Variants in HTATIP2 observed in about 807,000 individuals in gnomAD.
The protein encoded by HTATIP2 is protein HTATIP2.
In HTATIP2, 26 loss-of-function variants were observed where a neutral mutation model predicts 24.7. That is an observed-to-expected ratio of 1.05 (90% CI 0.77 to 1.46). HTATIP2 has a LOEUF of 1.46. Among genes scored for constraint, HTATIP2 ranks in the 40% most tolerant of loss-of-function variants. The pLI is 0.00. For missense variants in HTATIP2, 284 were observed against 289.6 expected (o/e 0.98, Z 0.14); for synonymous variants, 99 against 113.2 (o/e 0.87, Z 0.79).
intron 3 of HTATIP2, 79 bp from the exon 4 acceptor site, chr11:20,382,099 C>A: frequency 1.2e-6 from 1 of 867,902 alleles, no homozygotes; most frequent in Non-Finnish European, 1.9e-6. Context: ...TATCTCAAAA[C>A]CACAAATTAT....
chr11:20,375,190 C>T (rs1848425002), intron 2 of HTATIP2, among the ~76,000 whole-genome samples: 1 of 152,030 alleles, frequency 6.6e-6, no homozygotes, highest in South Asian at 2.1e-4. Context: ...CCTAAGGTAC[C>T]TTCTAACATT....
chr11:20,376,115 T>C (rs1460102470), intron 2 of HTATIP2: 1 of 169,468 alleles, frequency 5.9e-6, no homozygotes, highest in Non-Finnish European at 1.2e-5. Flanking sequence ...TTGTAGAGCA[T>C]ACACAAAAAT....
chr11:20,364,646 G>A (rs2064676356), intron 1 of HTATIP2, among the ~76,000 whole-genome samples: 1 of 152,128 alleles, frequency 6.6e-6, no homozygotes, highest in Admixed American at 6.5e-5. Context: ...TGTGGTCTTG[G>A]GCAAAGCCCT....
At chr11:20,368,990 A>G (rs2064742905) in intron 2 of HTATIP2, among the ~76,000 whole-genome samples, 1 of 152,198 alleles carries the variant, frequency 6.6e-6, no homozygotes, top group South Asian at 2.1e-4. Context: ...ATGAATTAGG[A>G]CTTAAATGAT....
At chr11:20,367,735 C>T (rs1160632566) in intron 2 of HTATIP2, 1 of 935,114 alleles carries the variant, frequency 1.1e-6, no homozygotes, top group Non-Finnish European at 1.3e-6. Flanking sequence ...CATCAGAACA[C>T]AGGCACGATT....
intron 2 of HTATIP2, chr11:20,367,779 G>A (rs913534572): frequency 1.0e-5 from 5 of 481,910 alleles, no homozygotes; most frequent in South Asian, 7.2e-5. Context: ...AGCCTTCAGC[G>A]ATGATTCAAC....
At chr11:20,367,416 G>A (rs1164295225) in intron 2 of HTATIP2, 135 bp downstream of exon 2, 1 of 1,555,796 alleles carries the variant, frequency 6.4e-7, no homozygotes, top group Non-Finnish European at 8.7e-7. Flanking sequence ...GATTCTATAT[G>A]CTGCACTAAC....
chr11:20,379,915 T>C (rs1013320761), intron 3 of HTATIP2, among the ~76,000 whole-genome samples: 1 of 152,154 alleles, frequency 6.6e-6, no homozygotes, highest in Non-Finnish European at 1.5e-5. Flanking sequence ...ACTTATCGCA[T>C]TGAAAGGATA....
intron 2 of HTATIP2, among the ~76,000 whole-genome samples, chr11:20,369,458 A>G (rs2064747421): frequency 6.6e-6 from 1 of 152,116 alleles, no homozygotes; most frequent in Non-Finnish European, 1.5e-5. Context: ...TGTTCAGTGT[A>G]TTAGTTTGCT....
chr11:20,373,616 C>CAA (rs1386836229), intron 2 of HTATIP2, among the ~76,000 whole-genome samples: 1 of 151,818 alleles, frequency 6.6e-6, no homozygotes, highest in African/African-American at 2.4e-5. Flanking sequence ...ACAACAACAA[C>CAA]AAAAAAACTG....
rs918732393 is a variant in HTATIP2, at chr11:20,370,657, A to AT, written c.303+3386dup. 1.2e-3 allele frequency among the ~76,000 whole-genome samples: 188 copies of AT among 150,518 alleles called. 1 individual carries two copies. Among genetic ancestry groups the AT allele is most frequent in the African/African-American group, 3.6e-3 (150 of 41,134 alleles). Reference sequence around the variant, plus strand: ...GAGCTAAGAATGTCTTTATGTATATATTTTTTTTTTGAGACGGAGTCTCGC... The same window carrying AT: ...GAGCTAAGAATGTCTTTATGTATATATTTTTTTTTTTGAGACGGAGTCTCGC... On this transcript the variant is annotated intron_variant, in intron 2 of 4. Transcript: ENST00000451739.
At chr11:20,372,040 A>G (rs1016619927) in intron 2 of HTATIP2, among the ~76,000 whole-genome samples, 9 of 152,180 alleles carry the variant, frequency 5.9e-5, no homozygotes, top group Non-Finnish European at 1.3e-4. Context: ...AAGCAGAAAT[A>G]GGGCTGAATG....
Position 20,365,639 on chromosome 11 carries a change from G to A in HTATIP2, c.195+1207G>A, listed in dbSNP as rs191233441. On this transcript the variant is annotated intron_variant, in intron 1 of 4. Coordinates refer to ENST00000451739, the MANE Select transcript of HTATIP2 (RefSeq NM_001098522.2). ...AGGCTGAGGCAGATGTGTTCTCACC[G>A]GTTTCATGGGCTGTGTCAGATATTC... Among the ~76,000 whole-genome samples the A allele has an allele frequency of 8.9e-4, 136 of 152,200 alleles. 1 individual carries two copies. The highest frequency in any genetic ancestry group is 3.0e-3 in the African/African-American group (126 of 41,522).
intron 3 of HTATIP2, among the ~76,000 whole-genome samples, chr11:20,378,108 G>T (rs1306917315): frequency 6.6e-6 from 1 of 151,974 alleles, no homozygotes; most frequent in African/African-American, 2.4e-5. Flanking sequence ...TATGTTGTTG[G>T]CTCATGATCA....
chr11:20,368,190 G>GAA (rs1277903374), intron 2 of HTATIP2, among the ~76,000 whole-genome samples: 1 of 151,406 alleles, frequency 6.6e-6, no homozygotes, highest in African/African-American at 2.4e-5. Flanking sequence ...CAAGAAAAAA[G>GAA]AAAAAATATA....
intron 3 of HTATIP2, among the ~76,000 whole-genome samples, chr11:20,377,235 A>AC (rs1848460869): frequency 6.7e-6 from 1 of 150,270 alleles, no homozygotes; most frequent in Non-Finnish European, 1.5e-5. Flanking sequence ...GGCATGAGCC[A>AC]CCATGCCTGG....
chr11:20,374,464 A>G (rs1272426379), intron 2 of HTATIP2, among the ~76,000 whole-genome samples: 2 of 152,130 alleles, frequency 1.3e-5, no homozygotes, highest in Non-Finnish European at 2.9e-5. Flanking sequence ...TAGGACAGAA[A>G]CCATTTCCAT....
rs2133259202 is a variant in HTATIP2 at position 20,363,741 on chromosome 11, C to G, written c.-497C>G. 2 of 1,233,938 alleles carry G rather than the reference C, an allele frequency of 1.6e-6. No individual in the cohort carries two copies. The highest frequency in any genetic ancestry group is 2.0e-6 in the Non-Finnish European group (2 of 986,386). The allele number at this position is 1,233,938 out of a possible 1,614,324, so 76.4% of individuals were successfully genotyped here. ...CGTCGCCGCGAGGCCACCCGGAAGA[C>G]CAAGCCGGGTAGGCGCTGTCTCCGT... On this transcript the variant is annotated 5_prime_UTR_variant, in exon 1 of 5. Coordinates refer to ENST00000451739, the MANE Select transcript of HTATIP2 (RefSeq NM_001098522.2).
chr11:20,382,281 G>T, intron 4 of HTATIP2, 42 bp downstream of exon 4: 1 of 1,058,180 alleles, frequency 9.5e-7, no homozygotes, highest in Non-Finnish European at 1.4e-6. Flanking sequence ...TGCCACTGAT[G>T]GTTAATCCCT....
Sources: allele counts gnomAD v4.1 joint callset (sites outside exome capture counted in the v4.1 genomes callset), GRCh38; gene constraint gnomAD v4.1.1; transcripts MANE v1.5; gene names NCBI Gene and HGNC (gene_info 2026-07-23, HGNC 2026-07-21).